The following TJP1 variants were observed in gnomAD, a reference collection of about 807,000 sequenced individuals.
The protein encoded by TJP1 is tight junction protein ZO-1.
Under a neutral mutation model 194.2 loss-of-function variants are expected in TJP1, and 43 were observed. That is an observed-to-expected ratio of 0.22 (90% CI 0.17 to 0.29). The LOEUF is 0.29. Ranked by LOEUF, TJP1 falls within the 10% of genes least tolerant of loss-of-function variation. The pLI, the probability that TJP1 is intolerant of heterozygous loss-of-function variation, is 1.00. For missense variants in TJP1, 1,971 were observed against 2,185.7 expected, an observed-to-expected ratio of 0.90 and a Z score of 1.96; for synonymous variants, 801 against 779.0, an observed-to-expected ratio of 1.03 and a Z score of -0.47.
chr15:29,921,376 G>A (rs1023700124), intron 2 of TJP1, among the ~76,000 whole-genome samples: 4 of 152,054 alleles, frequency 2.6e-5, no homozygotes, highest in Non-Finnish European at 4.4e-5. Context: ...CCATTTCCCC[G>A]TGACTTCTGG....
At chr15:29,949,604 TCCACC>T (rs2055523777) in intron 2 of TJP1, among the ~76,000 whole-genome samples, 7 of 29,692 alleles carry the variant, frequency 2.4e-4, no homozygotes, top group Non-Finnish European at 2.1e-4. Context: ...AACCACCACC[TCCACC>T]TTCACCACCA....
intron 8 of TJP1, among the ~76,000 whole-genome samples, chr15:29,755,980 C>T (rs1358380838): frequency 2.0e-5 from 3 of 152,022 alleles, no homozygotes; most frequent in Admixed American, 2.0e-4. Context: ...GTTGTTCCCT[C>T]TAACATACAA....
At chr15:29,779,487 G>T (rs1019735830) in intron 2 of TJP1, among the ~76,000 whole-genome samples, 2 of 152,146 alleles carry the variant, frequency 1.3e-5, no homozygotes, top group East Asian at 1.9e-4. Flanking sequence ...TGGCAGTCTT[G>T]TGAGTAAAAT....
chr15:29,914,260 T>C (rs955811483), intron 2 of TJP1, among the ~76,000 whole-genome samples: 24 of 152,266 alleles, frequency 1.6e-4, no homozygotes, highest in African/African-American at 5.5e-4. Flanking sequence ...ATGGAGCAAA[T>C]TTATATTTAT....
intron 1 of TJP1, among the ~76,000 whole-genome samples, chr15:29,814,260 G>A (rs1186052047): frequency 1.3e-5 from 2 of 152,166 alleles, no homozygotes; most frequent in Non-Finnish European, 2.9e-5. Context: ...CCATAAGTTT[G>A]CTCGTATTTT....
At chr15:29,746,517 C>G (rs1307472646) in intron 8 of TJP1, among the ~76,000 whole-genome samples, 10 of 152,026 alleles carry the variant, frequency 6.6e-5, no homozygotes, top group African/African-American at 2.4e-4. Context: ...TTGCACATGC[C>G]CATGTACAGA....
chr15:29,947,342 A>C (rs967458905), intron 2 of TJP1, among the ~76,000 whole-genome samples: 5 of 152,228 alleles, frequency 3.3e-5, no homozygotes, highest in Non-Finnish European at 4.4e-5. Flanking sequence ...TGGGAAAAAT[A>C]GTCTCAGAAT....
At chr15:29,718,243 C>T (rs1364543684) in intron 21 of TJP1, 23 bp downstream of exon 21, 1 of 1,605,110 alleles carries the variant, frequency 6.2e-7, no homozygotes, top group East Asian at 2.2e-5. Context: ...CCCATGCATC[C>T]AAGGCACTAA....
At chr15:29,789,187 C>T (rs999217390) in intron 2 of TJP1, among the ~76,000 whole-genome samples, 1 of 151,898 alleles carries the variant, frequency 6.6e-6, no homozygotes, top group Non-Finnish European at 1.5e-5. Flanking sequence ...TTATATTATA[C>T]TGCTACTGGG....
intron 8 of TJP1, among the ~76,000 whole-genome samples, chr15:29,749,530 T>TCCC (rs1414561828): frequency 6.6e-6 from 1 of 151,970 alleles, no homozygotes; most frequent in Non-Finnish European, 1.5e-5. Context: ...AGAAGGTGCA[T>TCCC]CCCCTCAGCA....
At chr15:29,955,679 T>C (rs1168343488) in intron 2 of TJP1, among the ~76,000 whole-genome samples, 1 of 139,420 alleles carries the variant, frequency 7.2e-6, no homozygotes, top group East Asian at 2.1e-4. Flanking sequence ...TGAGCCCAGG[T>C]GTTCAAGGCT....
At chr15:29,841,969 G>A (rs2051241543) in intron 2 of TJP1, among the ~76,000 whole-genome samples, 1 of 152,150 alleles carries the variant, frequency 6.6e-6, no homozygotes, top group African/African-American at 2.4e-5. Context: ...ATTTCCAGAA[G>A]TGGTAGGGTA....
At chr15:29,720,153 TG>T (rs2042840415) in intron 19 of TJP1, 137 bp from the exon 20 acceptor site, 2 of 1,292,178 alleles carry the variant, frequency 1.5e-6, no homozygotes, top group Admixed American at 2.8e-5. Context: ...CTAAACTTTT[TG>T]GGAAAAAAAA....
At chr15:29,915,520 T>C (rs919213520) in intron 2 of TJP1, among the ~76,000 whole-genome samples, 1 of 152,216 alleles carries the variant, frequency 6.6e-6, no homozygotes, top group African/African-American at 2.4e-5. Context: ...TTCCAAACCA[T>C]ACAATCTCAT....
intron 2 of TJP1, among the ~76,000 whole-genome samples, chr15:29,882,816 A>G (rs2052985439): frequency 6.6e-6 from 1 of 152,122 alleles, no homozygotes; most frequent in Non-Finnish European, 1.5e-5. Context: ...AGTAACTAGA[A>G]AAAGATTTGG....
chr15:29,718,786 T>G lies in TJP1; in HGVS notation c.3356A>C (p.His1119Pro), dbSNP rs755728718. The G allele has an allele frequency of 1.9e-6, 3 of 1,614,060 alleles. No homozygotes were observed. Among genetic ancestry groups the G allele is most frequent in the Non-Finnish European group, 2.5e-6 (3 of 1,180,044 alleles). ...CCCTCGTTCTGAGGACTCTTCGGGA[T>G]GCTGTCTGGAGTCAAGGTCTTGAGA... ...QHSQDLDSRQ[H>P]PEESSERGYF... is the part of the protein sequence containing the mutation. Residue 1119 changes from histidine to proline, a missense_variant, in exon 21 of 28, where the codon CAT becomes CCT. By Grantham distance (77) the His-to-Pro change is moderately conservative. This residue lies in a region of TJP1 where 1,108 missense variants were observed against 1,128.5 expected (regional missense o/e 0.98). Transcript: ENST00000614355.
chr15:29,790,030 G>A (rs753020626), intron 2 of TJP1, among the ~76,000 whole-genome samples: 5 of 152,170 alleles, frequency 3.3e-5, no homozygotes, highest in South Asian at 4.1e-4. Flanking sequence ...AAAACCTGGA[G>A]AGCCACTGCT....
chr15:29,939,970 A>T (rs910880653), intron 2 of TJP1, among the ~76,000 whole-genome samples: 1 of 152,110 alleles, frequency 6.6e-6, no homozygotes, highest in African/African-American at 2.4e-5. Flanking sequence ...AGCAGGCAAA[A>T]AGCATTAAGA....
intron 2 of TJP1, among the ~76,000 whole-genome samples, chr15:29,854,981 C>A (rs1004719485): frequency 1.3e-5 from 2 of 152,034 alleles, no homozygotes; most frequent in African/African-American, 4.8e-5. Context: ...TAAATAATTC[C>A]TTTAATTAAT....
Sources: gnomAD v4.1 joint callset for allele counts (sites outside exome capture counted in the v4.1 genomes callset) on GRCh38, gnomAD v4.1.1 for gene constraint, gnomAD v4.1.1 regional missense constraint, MANE v1.5 for transcripts, NCBI Gene and HGNC (gene_info 2026-07-23, HGNC 2026-07-21) for gene names.